GOLGA4: variants seen among roughly 807,000 people sequenced by gnomAD.
The protein encoded by GOLGA4 is golgin A4.
In GOLGA4, 169 loss-of-function variants were observed where a neutral mutation model predicts 265.9. That is an observed-to-expected ratio of 0.64 (90% confidence interval 0.56 to 0.72). GOLGA4 has a LOEUF of 0.72. Among genes scored for constraint, GOLGA4 ranks in the 30% least tolerant of loss-of-function variants. GOLGA4 has a pLI of 0.00. For missense variants in GOLGA4, 2,482 were observed against 2,483.4 expected, an observed-to-expected ratio of 1.00 and a Z score of 0.01; for synonymous variants, 923 against 855.8, an observed-to-expected ratio of 1.08 and a Z score of -1.37.
At chr3:37,310,918 C>T (rs1347648298) in intron 10 of GOLGA4, among the ~76,000 whole-genome samples, 1 of 152,100 alleles carries the variant, frequency 6.6e-6, no homozygotes, top group South Asian at 2.1e-4. Context: ...GACTGATGCA[C>T]GCTTTATTTC....
intron 19 of GOLGA4, 64 bp downstream of exon 19, chr3:37,337,798 A>C: frequency 3.1e-5 from 32 of 1,037,266 alleles, no homozygotes; most frequent in Non-Finnish European, 4.4e-5. Context: ...CTTGGATCTC[A>C]GCTACTTTTT....
intron 10 of GOLGA4, 43 bp downstream of exon 10, chr3:37,302,375 G>A (rs778629844): frequency 6.6e-7 from 1 of 1,516,510 alleles, no homozygotes; most frequent in South Asian, 1.2e-5. Flanking sequence ...GAACTCAAAA[G>A]TTATTTAAAG....
At chr3:37,294,928 G>GT (rs1393037010) in intron 5 of GOLGA4, 51 bp from the exon 6 acceptor site, 1 of 1,236,770 alleles carries the variant, frequency 8.1e-7, no homozygotes, top group African/African-American at 1.5e-5. Context: ...TGAAAACTTT[G>GT]TATTTTTTGT....
chr3:37,341,083 C>G (rs1235353393), intron 20 of GOLGA4, among the ~76,000 whole-genome samples: 1 of 152,044 alleles, frequency 6.6e-6, no homozygotes, highest in African/African-American at 2.4e-5. Flanking sequence ...AGGGGAATCT[C>G]TTGAACCCAG....
At chr3:37,300,718 TAA>T (rs1305118908) in intron 9 of GOLGA4, among the ~76,000 whole-genome samples, 2 of 152,156 alleles carry the variant, frequency 1.3e-5, no homozygotes, top group African/African-American at 4.8e-5. Flanking sequence ...ATCTTTAAAA[TAA>T]AAGACATTAT....
chr3:37,278,037 C>T (rs1010053498), intron 2 of GOLGA4, among the ~76,000 whole-genome samples: 25 of 151,984 alleles, frequency 1.6e-4, no homozygotes, highest in Non-Finnish European at 3.1e-4. Context: ...TGTTTTATTT[C>T]AAAAACAAAG....
intron 21 of GOLGA4, among the ~76,000 whole-genome samples, chr3:37,353,793 T>A (rs1453090552): frequency 1.3e-5 from 2 of 152,066 alleles, no homozygotes; most frequent in Non-Finnish European, 2.9e-5. Flanking sequence ...GGTCTCACTA[T>A]GTTTCCCAGG....
intron 21 of GOLGA4, among the ~76,000 whole-genome samples, chr3:37,353,196 G>T (rs912572774): frequency 6.6e-6 from 1 of 151,946 alleles, no homozygotes; most frequent in Non-Finnish European, 1.5e-5. Context: ...TACAGTAACA[G>T]ATATTATAAT....
chr3:37,354,671 C>T (rs567193959), intron 21 of GOLGA4, among the ~76,000 whole-genome samples: 28 of 151,754 alleles, frequency 1.8e-4, no homozygotes, highest in Non-Finnish European at 3.1e-4. Flanking sequence ...ATGCAGTAGC[C>T]GTGTTTATGA....
At chr3:37,286,374 C>T (rs1055327890) in intron 4 of GOLGA4, among the ~76,000 whole-genome samples, 2 of 151,024 alleles carry the variant, frequency 1.3e-5, no homozygotes, top group African/African-American at 2.4e-5. Flanking sequence ...AGGATGGTCT[C>T]GATCTCCTGA....
At chr3:37,299,810 G>A (rs2096888063) in intron 9 of GOLGA4, among the ~76,000 whole-genome samples, 1 of 152,012 alleles carries the variant, frequency 6.6e-6, no homozygotes, top group South Asian at 2.1e-4. Context: ...AGCACTTTGG[G>A]AGGCTGAGGC....
intron 8 of GOLGA4, 130 bp downstream of exon 8, chr3:37,299,150 A>G: frequency 2.2e-6 from 2 of 927,384 alleles, no homozygotes; most frequent in South Asian, 3.4e-5. Context: ...TGGCCTACAT[A>G]ACACCAAACC....
Position 37,325,174 on chromosome 3 carries a change from G to A in GOLGA4, c.3288G>A (p.Trp1096Ter). 1 of 1,613,776 alleles carries A rather than the reference G, an allele frequency of 6.2e-7. No individual in the cohort carries two copies. Among genetic ancestry groups the A allele is most frequent in the Non-Finnish European group, 8.5e-7 (1 of 1,179,840 alleles). ...AAGAGATGAACAAGGAAATAACATG[G>A]CTGAAGGAAGAAGGTGTTAAGCAGG... ...EKEEMNKEIT[W>*]LKEEGVKQDT... Residue 1096 changes from tryptophan (W) to a stop codon, truncating the protein, a stop_gained, in exon 14 of 24, where the codon TGG (tryptophan) becomes TGA (stop). Transcript: ENST00000361924. LOFTEE classifies it high-confidence loss of function.
intron 23 of GOLGA4, among the ~76,000 whole-genome samples, chr3:37,365,118 A>AT (rs1453027238): frequency 6.6e-6 from 1 of 151,930 alleles, no homozygotes; most frequent in Non-Finnish European, 1.5e-5. Flanking sequence ...GCTGTTTTTA[A>AT]TTTTTAAATT....
intron 19 of GOLGA4, among the ~76,000 whole-genome samples, chr3:37,338,051 T>C (rs1269946452): frequency 6.6e-6 from 1 of 152,238 alleles, no homozygotes; most frequent in Non-Finnish European, 1.5e-5. Context: ...GTCATCTATC[T>C]TTGGTACTTT....
chr3:37,323,148 G>C (rs2096960130), intron 13 of GOLGA4, among the ~76,000 whole-genome samples: 1 of 48,866 alleles, frequency 2.0e-5, no homozygotes, highest in Non-Finnish European at 4.8e-5. Flanking sequence ...TTCCAAGACA[G>C]AGGAGTCTCG....
intron 1 of GOLGA4, among the ~76,000 whole-genome samples, chr3:37,248,328 A>T (rs1030967565): frequency 6.6e-5 from 10 of 152,202 alleles, no homozygotes; most frequent in Non-Finnish European, 1.2e-4. Flanking sequence ...GTTAATAATT[A>T]GGCAGTGGGC....
intron 1 of GOLGA4, among the ~76,000 whole-genome samples, chr3:37,245,659 T>G (rs1203263704): frequency 6.6e-6 from 1 of 152,200 alleles, no homozygotes; most frequent in African/African-American, 2.4e-5. Flanking sequence ...GAGCTCTGTT[T>G]CTATAGCTTA....
At chr3:37,273,633 C>CA (rs1559368833) in intron 2 of GOLGA4, 1 of 1,114,322 alleles carries the variant, frequency 9.0e-7, no homozygotes, top group African/African-American at 1.5e-5. Context: ...TAGAAAATAA[C>CA]AAGTCATTTC....
Sources: allele counts gnomAD v4.1 joint callset (sites outside exome capture counted in the v4.1 genomes callset), GRCh38; gene constraint gnomAD v4.1.1; transcripts MANE v1.5; gene names NCBI Gene and HGNC (gene_info 2026-07-23, HGNC 2026-07-21).